SLC8A3: variants seen among roughly 807,000 people sequenced by gnomAD.
SLC8A3 encodes the protein solute carrier family 8 member A3.
A neutral mutation model predicts 65.4 loss-of-function variants in SLC8A3; 37 were observed. The observed-to-expected ratio is 0.57, with a 90% CI of 0.44 to 0.74. The LOEUF (loss-of-function observed/expected upper bound fraction) is 0.74. SLC8A3 is among the 30% of genes least tolerant of loss of function. The probability of loss-of-function intolerance (pLI) is 0.00; values close to 1 mark genes in which losing one functional copy is unlikely to be tolerated. For missense variants in SLC8A3, 1,112 were observed against 1,172.1 expected (o/e 0.95, Z 0.75); for synonymous variants, 461 against 444.5 (o/e 1.04, Z -0.47).
intron 2 of SLC8A3, among the ~76,000 whole-genome samples, chr14:70,098,294 TCTCA>T (rs1396289624): frequency 1.6e-5 from 1 of 64,140 alleles, no homozygotes; most frequent in Admixed American, 2.2e-4. Context: ...TCCTTCTTTT[TCTCA>T]CTTTTTTTTA....
chr14:70,079,943 T>A (rs1463680947), intron 2 of SLC8A3: 1 of 213,542 alleles, frequency 4.7e-6, no homozygotes, highest in Non-Finnish European at 8.0e-6. Context: ...TATAGCTGTG[T>A]GACCTTGGCC....
chr14:70,117,358 T>C (rs890060143), intron 2 of SLC8A3, among the ~76,000 whole-genome samples: 1 of 152,238 alleles, frequency 6.6e-6, no homozygotes, highest in Non-Finnish European at 1.5e-5. Context: ...CAGGATCCAC[T>C]GAGGTCTTTG....
At chr14:70,100,389 CA>C (rs1316203153) in intron 2 of SLC8A3, among the ~76,000 whole-genome samples, 2 of 152,222 alleles carry the variant, frequency 1.3e-5, no homozygotes, top group Non-Finnish European at 2.9e-5. Context: ...GGGACAACAG[CA>C]CACAAATGAC....
intron 2 of SLC8A3, among the ~76,000 whole-genome samples, chr14:70,127,995 T>C (rs1473511589): frequency 6.6e-6 from 1 of 152,218 alleles, no homozygotes; most frequent in African/African-American, 2.4e-5. Context: ...TTCACATGAA[T>C]GTCCCATTGG....
At chr14:70,055,077 A>G (rs941668153) in intron 3 of SLC8A3, among the ~76,000 whole-genome samples, 4 of 152,136 alleles carry the variant, frequency 2.6e-5, no homozygotes, top group Non-Finnish European at 5.9e-5. Flanking sequence ...CACTCATGCA[A>G]GCATACTCTC....
intron 3 of SLC8A3, among the ~76,000 whole-genome samples, chr14:70,053,356 G>T (rs1023574757): frequency 6.6e-6 from 1 of 152,188 alleles, no homozygotes; most frequent in African/African-American, 2.4e-5. Flanking sequence ...AGGTAAATCT[G>T]GGTGAATCTA....
At chr14:70,057,715 T>C (rs150275398) in intron 3 of SLC8A3, among the ~76,000 whole-genome samples, 68 of 152,298 alleles carry the variant, frequency 4.5e-4, no homozygotes, top group African/African-American at 1.6e-3. Flanking sequence ...GAGCTGAACT[T>C]TCCCCTGTAT....
At chr14:70,106,128 A>T (rs1382493573) in intron 2 of SLC8A3, among the ~76,000 whole-genome samples, 2 of 152,160 alleles carry the variant, frequency 1.3e-5, no homozygotes, top group Admixed American at 1.3e-4. Flanking sequence ...GATAAAAGGC[A>T]TCTATGAAAA....
In SLC8A3 at chr14:70,152,562, G is replaced by A. The variant is rs1432010946; in HGVS notation, c.1784+14077C>T. The stretch of plus-strand genomic sequence containing the variant: ...TTTCCCTCTCCCTTCTAACCCCCAG[G>A]AGGGCTGGAAAGACCAAGGGATTTA... On this transcript the variant is annotated intron_variant, in intron 2 of 6. Coordinates refer to ENST00000356921, the MANE Select transcript of SLC8A3 (RefSeq NM_182932.3). Among the ~76,000 whole-genome samples, 3 of 151,662 alleles carry A rather than the reference G, an allele frequency of 2.0e-5. No individual in the cohort carries two copies. The South Asian group carries it at 6.3e-4, about 32-fold the overall frequency.
At chr14:70,141,368 A>G (rs1444990029) in intron 2 of SLC8A3, among the ~76,000 whole-genome samples, 1 of 152,234 alleles carries the variant, frequency 6.6e-6, no homozygotes, top group East Asian at 1.9e-4. Flanking sequence ...CATTAAATAC[A>G]TTTCTCAAAG....
chr14:70,130,398 G>T (rs1026151198), intron 2 of SLC8A3, among the ~76,000 whole-genome samples: 3 of 152,210 alleles, frequency 2.0e-5, no homozygotes, highest in African/African-American at 7.2e-5. Context: ...TTTGTCCTGT[G>T]CATGCACGTG....
At chr14:70,119,062 A>T (rs1566791728) in intron 2 of SLC8A3, among the ~76,000 whole-genome samples, 1 of 152,224 alleles carries the variant, frequency 6.6e-6, no homozygotes, top group East Asian at 1.9e-4. Context: ...CTGCTCAGTA[A>T]AGTCCTACAG....
chr14:70,126,570 T>TCTCTCTCTCA lies in SLC8A3; in HGVS notation c.1784+40068_1784+40069insTGAGAGAGAG, dbSNP rs1385909771. 9.3e-3 allele frequency among the ~76,000 whole-genome samples: 1,083 copies of TCTCTCTCTCA among 117,060 alleles called. 4 individuals are homozygous for TCTCTCTCTCA. The highest frequency in any genetic ancestry group is 0.018 in the Middle Eastern group (4 of 228). The allele number at this position is 117,060 out of a possible 152,430, so 76.8% of individuals were successfully genotyped here. A position where few individuals can be genotyped will look rare whatever the true frequency, so the allele number is the denominator to read the frequency against. ...AATTCTCTCTCTCTCTCTCTCTCTC[T>TCTCTCTCTCA]CACACACACACACACACACACACAC... On this transcript the variant is annotated intron_variant, in intron 2 of 6. Coordinates refer to ENST00000356921, the MANE Select transcript of SLC8A3 (RefSeq NM_182932.3).
At chr14:70,162,713 C>T (rs1896959337) in intron 2 of SLC8A3, among the ~76,000 whole-genome samples, 1 of 152,190 alleles carries the variant, frequency 6.6e-6, no homozygotes, top group African/African-American at 2.4e-5. Flanking sequence ...TTGCATGCTA[C>T]AGTCTTAAAG....
intron 2 of SLC8A3, among the ~76,000 whole-genome samples, chr14:70,107,257 G>C (rs1006321308): frequency 6.6e-6 from 1 of 150,800 alleles, no homozygotes; most frequent in Non-Finnish European, 1.5e-5. Context: ...GACTAAAAAT[G>C]AACTAGAAAA....
At chr14:70,112,751 GA>G (rs1893393825) in intron 2 of SLC8A3, among the ~76,000 whole-genome samples, 1 of 152,190 alleles carries the variant, frequency 6.6e-6, no homozygotes, top group South Asian at 2.1e-4. Flanking sequence ...TCCTGTCTCT[GA>G]AGGCCCCAGA....
At chr14:70,073,391 G>A (rs1594938098) in intron 2 of SLC8A3, among the ~76,000 whole-genome samples, 1 of 152,266 alleles carries the variant, frequency 6.6e-6, no homozygotes, top group East Asian at 1.9e-4. Context: ...CCCCAAGTTT[G>A]TCCTGACTCA....
intron 2 of SLC8A3, among the ~76,000 whole-genome samples, chr14:70,124,730 T>A (rs901909038): frequency 6.6e-6 from 1 of 152,234 alleles, no homozygotes; most frequent in Non-Finnish European, 1.5e-5. Context: ...ACTCCAGACA[T>A]ACATGTATAA....
At chr14:70,118,682 T>C (rs1208267824) in intron 2 of SLC8A3, among the ~76,000 whole-genome samples, 1 of 152,182 alleles carries the variant, frequency 6.6e-6, no homozygotes, top group Non-Finnish European at 1.5e-5. Context: ...CATATCACAA[T>C]ATAAAGCCTC....
Sources: allele counts gnomAD v4.1 joint callset (sites outside exome capture counted in the v4.1 genomes callset), GRCh38; gene constraint gnomAD v4.1.1; transcripts MANE v1.5; gene names NCBI Gene and HGNC (gene_info 2026-07-23, HGNC 2026-07-21).